TSHZ3: variants seen among roughly 807,000 people sequenced by gnomAD.
TSHZ3 encodes teashirt zinc finger homeobox 3.
A neutral mutation model predicts 64.5 loss-of-function variants in TSHZ3; 10 were observed. The observed-to-expected ratio is 0.16, with a 90% CI of 0.10 to 0.26. The LOEUF (loss-of-function observed/expected upper bound fraction) is 0.26. Ranked by LOEUF, TSHZ3 falls within the 10% of genes least tolerant of loss-of-function variation. TSHZ3 has a pLI of 1.00. For missense variants in TSHZ3, 1,242 were observed against 1,421.7 expected, an observed-to-expected ratio of 0.87 and a Z score of 2.03; for synonymous variants, 608 against 593.1, an observed-to-expected ratio of 1.03 and a Z score of -0.36.
In TSHZ3 at chr19:31,222,051, T is replaced by C. The variant is rs552133475; in HGVS notation, n.686+5954A>G. Among the ~76,000 whole-genome samples, 29 of 152,324 alleles carry C rather than the reference T, an allele frequency of 1.9e-4. No individual in the cohort carries two copies. The South Asian group carries it at 5.8e-3, about 30-fold the overall frequency. ...TGGTTGAGTTTGCCTGGACCCCAGC[T>C]ATACCTTGGTTGCAGTCTATTTTAA... On this transcript the variant is annotated intron_variant and non_coding_transcript_variant, in intron 4 of 6. Coordinates refer to the TSHZ3 transcript ENST00000651361.
At chr19:31,193,207 CAT>C (rs1974938264) in intron 5 of TSHZ3, among the ~76,000 whole-genome samples, 1 of 152,276 alleles carries the variant, frequency 6.6e-6, no homozygotes, top group South Asian at 2.1e-4. Flanking sequence ...CTTTCCCATA[CAT>C]ATGACGCGAC....
At chr19:31,349,104 G>A (rs1472404132) in intron 1 of TSHZ3, 76 bp downstream of exon 1, 59 of 1,497,152 alleles carry the variant, frequency 3.9e-5, no homozygotes, top group Non-Finnish European at 4.8e-5. Context: ...GAGGAGCGGG[G>A]TCGCGCCCGC....
At chr19:31,250,752 A>G (rs77846136) in intron 1 of TSHZ3, among the ~76,000 whole-genome samples, 4,666 of 152,268 alleles carry the variant, frequency 0.031, 236 homozygotes, top group African/African-American at 0.11. Context: ...GACAAGAATC[A>G]TATTTTTCAT....
intron 1 of TSHZ3, among the ~76,000 whole-genome samples, chr19:31,314,002 C>T (rs1021387267): frequency 5.9e-5 from 9 of 152,192 alleles, no homozygotes; most frequent in Non-Finnish European, 1.2e-4. Context: ...TTTCTCTCTG[C>T]CTGCTTCCCA....
At chr19:31,163,731 GAAAC>G (rs771040946) in intron 5 of TSHZ3, among the ~76,000 whole-genome samples, 3 of 152,088 alleles carry the variant, frequency 2.0e-5, no homozygotes, top group Non-Finnish European at 4.4e-5. Flanking sequence ...ACTGTGTCTC[GAAAC>G]AAACAAAGAA....
At chr19:31,248,017 A>T (rs538285147) in intron 1 of TSHZ3, among the ~76,000 whole-genome samples, 1 of 152,268 alleles carries the variant, frequency 6.6e-6, no homozygotes, top group South Asian at 2.1e-4. Context: ...GGTGAAAGCT[A>T]CGTCTAACAA....
At chr19:31,226,686 T>C (rs1975467015) in intron 4 of TSHZ3, among the ~76,000 whole-genome samples, 1 of 152,056 alleles carries the variant, frequency 6.6e-6, no homozygotes, top group African/African-American at 2.4e-5. Context: ...CAAGTCAACA[T>C]CTCTACTTGA....
intron 1 of TSHZ3, among the ~76,000 whole-genome samples, chr19:31,339,845 C>T (rs575607825): frequency 2.0e-5 from 3 of 149,990 alleles, no homozygotes; most frequent in East Asian, 2.0e-4. Flanking sequence ...CAAAAGGCCA[C>T]GCACGTGTCG....
In TSHZ3 at chr19:31,293,379, A is replaced by G. The variant is rs573472360; in HGVS notation, c.41-13627T>C. Among the ~76,000 whole-genome samples the G allele has an allele frequency of 5.9e-5, 9 of 152,320 alleles. No individual in the cohort carries two copies. In the East Asian group the frequency reaches 1.7e-3, roughly 29 times the overall value. Reference sequence around the variant, plus strand: ...CGATATTCAAAGCCCAGGTTAACCAAGCCCCACTTTACCTTCTATGTTTTA... The same window carrying G: ...CGATATTCAAAGCCCAGGTTAACCAGGCCCCACTTTACCTTCTATGTTTTA... On this transcript the variant is annotated intron_variant, in intron 1 of 1. Coordinates refer to ENST00000240587, the MANE Select transcript of TSHZ3 (RefSeq NM_020856.4).
At chr19:31,201,046 C>T (rs551400695) in intron 5 of TSHZ3, among the ~76,000 whole-genome samples, 5 of 152,184 alleles carry the variant, frequency 3.3e-5, no homozygotes, top group African/African-American at 4.8e-5. Flanking sequence ...AAGAAAATCT[C>T]GAAAGGATCC....
At chr19:31,311,581 C>T (rs1262587964) in intron 1 of TSHZ3, among the ~76,000 whole-genome samples, 1 of 152,176 alleles carries the variant, frequency 6.6e-6, no homozygotes, top group East Asian at 1.9e-4. Context: ...GTGAAGGGAA[C>T]TTGCCCCTCT....
chr19:31,153,223 A>C (rs888975697), intron 6 of TSHZ3, among the ~76,000 whole-genome samples: 1 of 152,212 alleles, frequency 6.6e-6, no homozygotes, highest in African/African-American at 2.4e-5. Context: ...GTTTTCTACC[A>C]TGATTACTGT....
chr19:31,305,099 C>A (rs528836449), intron 1 of TSHZ3, among the ~76,000 whole-genome samples: 3 of 152,144 alleles, frequency 2.0e-5, no homozygotes, highest in East Asian at 3.9e-4. Context: ...GCAAGTGCCA[C>A]GAGCATTTGT....
intron 1 of TSHZ3, among the ~76,000 whole-genome samples, chr19:31,320,399 A>AT (rs1916733352): frequency 6.6e-6 from 1 of 152,070 alleles, no homozygotes; most frequent in Non-Finnish European, 1.5e-5. Flanking sequence ...CCGTTCCTTC[A>AT]TTTTTACTGC....
At chr19:31,177,949 C>T (rs992317180) in intron 5 of TSHZ3, among the ~76,000 whole-genome samples, 2 of 152,088 alleles carry the variant, frequency 1.3e-5, no homozygotes, top group Non-Finnish European at 2.9e-5. Flanking sequence ...TTCTGGCTTC[C>T]CCTCATCTAC....
rs200760529 is a variant in TSHZ3, at chr19:31,277,813, G to A, written c.1980C>T (p.Ser660=). Residue 660 remains serine, a synonymous_variant, in exon 2 of 2, where the codon AGC becomes AGT. Coordinates refer to ENST00000240587, the MANE Select transcript of TSHZ3 (RefSeq NM_020856.4). The surrounding 1 kb of genome is among the most constrained non-coding windows in gnomAD (Gnocchi z 4.5). ...VGEPIKMEAS[S]DGGFRSQENS... ...TCTCCTGGCTGCGGAAGCCCCCATC[G>A]CTGGATGCCTCCATCTTGATGGGTT... 123 of 1,552,148 alleles carry A rather than the reference G, an allele frequency of 7.9e-5. No individual in the cohort carries two copies. The highest frequency in any genetic ancestry group is 1.8e-4 in the Middle Eastern group (1 of 5,710).
chr19:31,260,119 G>A (rs1168863412), intron 1 of TSHZ3, among the ~76,000 whole-genome samples: 1 of 152,158 alleles, frequency 6.6e-6, no homozygotes, highest in Non-Finnish European at 1.5e-5. Flanking sequence ...TCAGCCCTGA[G>A]CCATCTCCAG....
chr19:31,185,062 G>A (rs1472704145), intron 5 of TSHZ3, among the ~76,000 whole-genome samples: 2 of 150,974 alleles, frequency 1.3e-5, no homozygotes, highest in East Asian at 3.9e-4. Flanking sequence ...AGAGTTTGAA[G>A]GTAAAAATTT....
At chr19:31,201,171 T>C (rs1975080369) in intron 5 of TSHZ3, among the ~76,000 whole-genome samples, 1 of 152,210 alleles carries the variant, frequency 6.6e-6, no homozygotes, top group African/African-American at 2.4e-5. Flanking sequence ...AGAAAATTAC[T>C]CTACAGGTAG....
Sources: allele counts gnomAD v4.1 joint callset (sites outside exome capture counted in the v4.1 genomes callset), GRCh38; gene constraint gnomAD v4.1.1; non-coding constraint Gnocchi (gnomAD v3.1); transcripts MANE v1.5; gene names NCBI Gene and HGNC (gene_info 2026-07-23, HGNC 2026-07-21).